The following PTPRG variants were observed in gnomAD, a reference collection of about 807,000 sequenced individuals.
PTPRG encodes receptor-type tyrosine-protein phosphatase gamma.
A neutral mutation model predicts 165.3 loss-of-function variants in PTPRG; 102 were observed. The observed-to-expected ratio is 0.62, with a 90% CI of 0.53 to 0.73. The LOEUF is 0.73. PTPRG is among the 30% of genes least tolerant of loss of function. PTPRG has a pLI of 0.00. For missense variants in PTPRG, 1,866 were observed against 1,861.4 expected, an observed-to-expected ratio of 1.00 and a Z score of -0.05; for synonymous variants, 675 against 669.5, an observed-to-expected ratio of 1.01 and a Z score of -0.13.
chr3:62,067,164 A>G (rs1701043806), intron 4 of PTPRG, among the ~76,000 whole-genome samples: 1 of 151,960 alleles, frequency 6.6e-6, no homozygotes, highest in South Asian at 2.1e-4. Context: ...GGGCTTTACC[A>G]TGCCCACTGA....
intron 13 of PTPRG, among the ~76,000 whole-genome samples, chr3:62,221,344 G>T (rs1430136625): frequency 1.3e-5 from 2 of 152,132 alleles, no homozygotes; most frequent in Non-Finnish European, 2.9e-5. Context: ...ACTCCCAGTA[G>T]CACAAAAAAT....
intron 5 of PTPRG, among the ~76,000 whole-genome samples, chr3:62,105,330 C>T (rs1702437563): frequency 6.6e-6 from 1 of 152,054 alleles, no homozygotes; most frequent in African/African-American, 2.4e-5. Context: ...TTAATTACTG[C>T]CATAGTTTTG....
At chr3:62,227,788 T>C (rs1166423227) in intron 13 of PTPRG, among the ~76,000 whole-genome samples, 2 of 152,152 alleles carry the variant, frequency 1.3e-5, no homozygotes, top group East Asian at 1.9e-4. Context: ...ACCAAGGTAA[T>C]CCCAAATAGA....
At chr3:62,032,003 A>G (rs892667756) in intron 4 of PTPRG, among the ~76,000 whole-genome samples, 11 of 152,368 alleles carry the variant, frequency 7.2e-5, no homozygotes, top group South Asian at 2.1e-4. Context: ...AGAACTGGAA[A>G]TAAAGATTTG....
chr3:61,918,023 G>A (rs79420379), intron 2 of PTPRG, among the ~76,000 whole-genome samples: 5 of 152,318 alleles, frequency 3.3e-5, no homozygotes, highest in East Asian at 1.9e-4. Context: ...AATGAATCAT[G>A]TAGCTTAGAG....
At chr3:62,165,264 C>T (rs1033317273) in intron 7 of PTPRG, among the ~76,000 whole-genome samples, 2 of 152,130 alleles carry the variant, frequency 1.3e-5, no homozygotes, top group Admixed American at 6.5e-5. Flanking sequence ...TTTTTCTGGG[C>T]TGTCTCCAGA....
At chr3:61,606,665 G>T (rs1024630527) in intron 1 of PTPRG, among the ~76,000 whole-genome samples, 13 of 152,190 alleles carry the variant, frequency 8.5e-5, no homozygotes, top group African/African-American at 3.1e-4. Flanking sequence ...AGGCACTGGA[G>T]GCATTCCTTG....
chr3:62,297,326 T>C lies in PTPRG; in HGVS notation c.*4019T>C, dbSNP rs1703096517. ...AAAAGAATCCAACATGTGTTATTTC[T>C]TTGAGGCAGTGATTGTGAAAGTTGG... On this transcript the variant is annotated 3_prime_UTR_variant, in exon 30 of 30. Coordinates refer to ENST00000474889, the MANE Select transcript of PTPRG (RefSeq NM_002841.4). The C allele has an allele frequency of 6.6e-6, 1 of 152,074 alleles. No individual in the cohort carries two copies. Among genetic ancestry groups the C allele is most frequent in the South Asian group, 2.1e-4 (1 of 4,832 alleles). 9.4% of individuals were successfully genotyped at this position (152,074 alleles called of 1,614,324 possible).
intron 5 of PTPRG, 39 bp downstream of exon 5, chr3:62,078,297 T>C: frequency 2.1e-6 from 3 of 1,415,830 alleles, no homozygotes; most frequent in African/African-American, 1.4e-5. Flanking sequence ...AAGAATTCTT[T>C]GAGTATTTTT....
chr3:61,722,380 A>G (rs902393492), intron 1 of PTPRG, among the ~76,000 whole-genome samples: 2 of 152,160 alleles, frequency 1.3e-5, no homozygotes, highest in African/African-American at 4.8e-5. Flanking sequence ...TTAGGGATCA[A>G]GTTTCTAAAA....
intron 3 of PTPRG, among the ~76,000 whole-genome samples, chr3:61,992,831 T>A (rs2040930636): frequency 6.6e-6 from 1 of 151,940 alleles, no homozygotes; most frequent in Admixed American, 6.5e-5. Context: ...CATGCCCGGC[T>A]AATTTTTGTA....
rs547433381 is a variant in PTPRG at position 61,738,080 on chromosome 3, T to A, written c.86-10798T>A. Among the ~76,000 whole-genome samples the A allele has an allele frequency of 2.7e-5, 4 of 149,974 alleles. No individual in the cohort carries two copies. In the East Asian group the frequency reaches 7.9e-4, roughly 30 times the overall value. On this transcript the variant is annotated intron_variant, in intron 1 of 29. Coordinates refer to ENST00000474889, the MANE Select transcript of PTPRG (RefSeq NM_002841.4). ...CCCGCTACCGCACCCGGCTAATTTT[T>A]TTTGTATTTTTAGCAGAGATGGGGT...
chr3:61,886,147 C>G (rs2038030389), intron 2 of PTPRG, among the ~76,000 whole-genome samples: 1 of 152,078 alleles, frequency 6.6e-6, no homozygotes, highest in Non-Finnish European at 1.5e-5. Context: ...TGGAAGATAA[C>G]TTCGCTATTC....
At chr3:62,084,176 T>A (rs1365376856) in intron 5 of PTPRG, among the ~76,000 whole-genome samples, 4 of 152,236 alleles carry the variant, frequency 2.6e-5, no homozygotes, top group Non-Finnish European at 5.9e-5. Flanking sequence ...ATGATTGTCA[T>A]GTCTGTATCC....
chr3:61,872,961 G>C (rs1278853460), intron 2 of PTPRG, among the ~76,000 whole-genome samples: 2 of 152,174 alleles, frequency 1.3e-5, no homozygotes, highest in Non-Finnish European at 2.9e-5. Flanking sequence ...AAAATCTAAA[G>C]AGTTGATTGT....
intron 1 of PTPRG, among the ~76,000 whole-genome samples, chr3:61,613,263 C>T (rs1701222664): frequency 6.6e-6 from 1 of 152,110 alleles, no homozygotes; most frequent in Non-Finnish European, 1.5e-5. Context: ...ATGCTAAAAT[C>T]ATGTTTTTTT....
At chr3:62,277,921 C>T (rs116350193) in intron 26 of PTPRG, among the ~76,000 whole-genome samples, 1,526 of 152,102 alleles carry the variant, frequency 0.01, 25 homozygotes, top group African/African-American at 0.035. Flanking sequence ...CTGTCTGTGG[C>T]GGTGTGGTAG....
intron 4 of PTPRG, among the ~76,000 whole-genome samples, chr3:62,042,765 A>G (rs1220190170): frequency 6.6e-6 from 1 of 152,132 alleles, no homozygotes; most frequent in African/African-American, 2.4e-5. Context: ...AGACTTTGAG[A>G]TGCTAACCCT....
chr3:61,690,586 T>C (rs1013215913), intron 1 of PTPRG, among the ~76,000 whole-genome samples: 2 of 152,198 alleles, frequency 1.3e-5, no homozygotes, highest in African/African-American at 4.8e-5. Context: ...ATTGTGTTTT[T>C]GCTCTGAAGG....
Sources: allele counts gnomAD v4.1 joint callset (sites outside exome capture counted in the v4.1 genomes callset), GRCh38; gene constraint gnomAD v4.1.1; transcripts MANE v1.5; gene names NCBI Gene and HGNC (gene_info 2026-07-23, HGNC 2026-07-21).